Variants in EPB41 observed in about 807,000 individuals in gnomAD.
EPB41 encodes the protein erythrocyte membrane protein band 4.1, also known as protein 4.1.
Under a neutral mutation model 108.0 loss-of-function variants are expected in EPB41, and 65 were observed. The ratio of observed to expected loss-of-function variants is 0.60; its 90% CI spans 0.49 to 0.74. The LOEUF is 0.74. Ranked by LOEUF, EPB41 falls within the 30% of genes least tolerant of loss-of-function variation. The pLI, the probability that EPB41 is intolerant of heterozygous loss-of-function variation, is 0.00. For missense variants in EPB41, 875 were observed against 1,037.0 expected (o/e 0.84, Z 2.15); for synonymous variants, 336 against 358.9 (o/e 0.94, Z 0.72).
chr1:28,900,222 G>A (rs2091131744), intron 1 of EPB41, among the ~76,000 whole-genome samples: 1 of 151,972 alleles, frequency 6.6e-6, no homozygotes, highest in African/African-American at 2.4e-5. Context: ...GAGACTAGCA[G>A]CAGAAAGGTG....
At chr1:28,904,144 C>T (rs1381924009) in intron 1 of EPB41, among the ~76,000 whole-genome samples, 1 of 151,148 alleles carries the variant, frequency 6.6e-6, no homozygotes, top group Non-Finnish European at 1.5e-5. Flanking sequence ...AGATTACAGG[C>T]ATGAGTCACC....
chr1:28,897,676 AGAAAGGAAGGGAAG>A (rs1238220802), intron 1 of EPB41, among the ~76,000 whole-genome samples: 1 of 147,100 alleles, frequency 6.8e-6, no homozygotes, highest in Admixed American at 6.8e-5. Context: ...AGGGAAGGGA[AGAAAGGAAGGGAAG>A]GAAAGGAAGG....
At chr1:28,957,727 G>A (rs2095018979) in intron 1 of EPB41, among the ~76,000 whole-genome samples, 1 of 152,020 alleles carries the variant, frequency 6.6e-6, no homozygotes, top group South Asian at 2.1e-4. Flanking sequence ...TTTATACTGG[G>A]CCATTGTTTT....
At position 28,923,320 on chromosome 1, in the gene EPB41, C is replaced by A. The variant is rs554337234; in HGVS notation, c.-8+8552C>A. On this transcript the variant is annotated intron_variant, in intron 1 of 20. Transcript: ENST00000343067. Reference sequence around the variant, plus strand: ...ATGTTGGTCAGGCTGGTCTCGAACTCCTGACCTCAGGTAATCTACCCGCCT... The same window carrying A: ...ATGTTGGTCAGGCTGGTCTCGAACTACTGACCTCAGGTAATCTACCCGCCT... 7.9e-5 allele frequency among the ~76,000 whole-genome samples: 12 copies of A among 151,742 alleles called. No individual in the cohort carries two copies. In the South Asian group the frequency reaches 2.1e-3, roughly 26 times the overall value.
At chr1:28,982,130 T>TG (rs2095764643) in intron 1 of EPB41, 1 of 296,580 alleles carries the variant, frequency 3.4e-6, no homozygotes, top group Admixed American at 4.4e-5. Flanking sequence ...CACCTATGAG[T>TG]GAGAACATGC....
chr1:28,946,201 C>CT (rs1013041638), intron 1 of EPB41, among the ~76,000 whole-genome samples: 123 of 145,412 alleles, frequency 8.5e-4, no homozygotes, highest in African/African-American at 1.6e-3. Context: ...ACTTCAACTT[C>CT]TTTTTTTTTT....
intron 1 of EPB41, among the ~76,000 whole-genome samples, chr1:28,905,610 A>C (rs1364899931): frequency 6.6e-6 from 1 of 152,078 alleles, no homozygotes; most frequent in African/African-American, 2.4e-5. Context: ...GAACCTGGCC[A>C]TGCCTGATCT....
intron 1 of EPB41, chr1:28,890,889 T>C: frequency 1.0e-6 from 1 of 984,822 alleles, no homozygotes; most frequent in East Asian, 1.1e-4. Flanking sequence ...GTGCCCACAT[T>C]GCTCAGCCCT....
At chr1:29,114,907 C>G (rs892226787) in intron 19 of EPB41, among the ~76,000 whole-genome samples, 1 of 151,840 alleles carries the variant, frequency 6.6e-6, no homozygotes, top group Non-Finnish European at 1.5e-5. Flanking sequence ...CCCTTGTCCT[C>G]TTCCTTCCTT....
chr1:29,096,487 A>T (rs1270952273), intron 16 of EPB41: 2 of 985,810 alleles, frequency 2.0e-6, no homozygotes, highest in Non-Finnish European at 2.4e-6. Flanking sequence ...CTGGTGTAAA[A>T]AAGGCAGAGA....
chr1:29,087,501 T>A (rs1659548478), intron 16 of EPB41, among the ~76,000 whole-genome samples: 1 of 152,148 alleles, frequency 6.6e-6, no homozygotes, highest in Non-Finnish European at 1.5e-5. Context: ...TAGCAGGGAT[T>A]ACAGGCATGC....
chr1:29,044,851 A>T (rs1226412926), intron 11 of EPB41, among the ~76,000 whole-genome samples: 2 of 152,146 alleles, frequency 1.3e-5, no homozygotes, highest in Non-Finnish European at 2.9e-5. Context: ...CTCCGTCTCA[A>T]AAATAACAAT....
chr1:29,014,426 A>T (rs1363722197), intron 5 of EPB41, among the ~76,000 whole-genome samples: 2 of 152,146 alleles, frequency 1.3e-5, no homozygotes, highest in African/African-American at 4.8e-5. Context: ...AAATAAAAAG[A>T]TACATATGAG....
intron 1 of EPB41, among the ~76,000 whole-genome samples, chr1:28,892,797 CTTTTTTT>C (rs995428093): frequency 1.1e-5 from 1 of 87,234 alleles, no homozygotes; most frequent in South Asian, 4.1e-4. Flanking sequence ...TTCCCAGGTT[CTTTTTTT>C]TTTTTTTTTT....
chr1:28,945,372 A>G (rs1338291236), intron 1 of EPB41, among the ~76,000 whole-genome samples: 1 of 152,150 alleles, frequency 6.6e-6, no homozygotes, highest in African/African-American at 2.4e-5. Flanking sequence ...AAGACGGTGT[A>G]TATTCTCTTT....
chr1:28,921,357 A>T (rs1001460952), intron 1 of EPB41, among the ~76,000 whole-genome samples: 1 of 152,220 alleles, frequency 6.6e-6, no homozygotes, highest in African/African-American at 2.4e-5. Context: ...TATGTATTCA[A>T]GTGAAGAGTG....
At chr1:29,073,052 G>T (rs530090460) in intron 16 of EPB41, 1 of 150,056 alleles carries the variant, frequency 6.7e-6, no homozygotes, top group Non-Finnish European at 1.5e-5. Context: ...CAGAGGTTGC[G>T]GTGAGCCAAG....
intron 1 of EPB41, among the ~76,000 whole-genome samples, chr1:28,964,844 A>T (rs1039206092): frequency 1.3e-5 from 2 of 152,102 alleles, no homozygotes; most frequent in Non-Finnish European, 2.9e-5. Context: ...CTTTTTCTAG[A>T]TGCTTATCCA....
intron 1 of EPB41, among the ~76,000 whole-genome samples, chr1:28,980,583 T>G (rs1229445207): frequency 1.3e-5 from 2 of 151,050 alleles, no homozygotes; most frequent in African/African-American, 4.9e-5. Flanking sequence ...TGGGCATGGT[T>G]GTGTGTACCT....
Sources: gnomAD v4.1 joint callset for allele counts (sites outside exome capture counted in the v4.1 genomes callset) on GRCh38, gnomAD v4.1.1 for gene constraint, MANE v1.5 for transcripts, NCBI Gene and HGNC (gene_info 2026-07-23, HGNC 2026-07-21) for gene names.